The following ABCA1 variants were observed in gnomAD, a reference collection of about 807,000 sequenced individuals.
The protein encoded by ABCA1 is phospholipid-transporting ATPase ABCA1.
In ABCA1, 133 loss-of-function variants were observed where a neutral mutation model predicts 262.5. The ratio of observed to expected loss-of-function variants is 0.51; its 90% confidence interval spans 0.44 to 0.59. ABCA1 has a LOEUF of 0.59. Ranked by LOEUF, ABCA1 falls within the 20% of genes least tolerant of loss-of-function variation. The probability of loss-of-function intolerance (pLI) is 0.00; values close to 1 mark genes in which losing one functional copy is unlikely to be tolerated. For synonymous variants in ABCA1, 1,022 were observed against 1,043.5 expected, an observed-to-expected ratio of 0.98 and a Z score of 0.40; for missense variants, 2,452 against 2,777.5, an observed-to-expected ratio of 0.88 and a Z score of 2.63.
intron 11 of ABCA1, among the ~76,000 whole-genome samples, chr9:104,836,203 T>A (rs948020985): frequency 1.3e-5 from 2 of 152,186 alleles, no homozygotes; most frequent in African/African-American, 4.8e-5. Context: ...TTCGGAAGTG[T>A]TCCCCCTAGG....
rs922470761 is a variant in ABCA1, at chr9:104,817,503, G to A, written c.3463-99C>T. ...GGGCTTCCAAGAAGCTCTGTTGTGT[G>A]AGAACTAAAGGAAAAAGCTTTCCCT... On this transcript the variant is annotated intron_variant, in intron 23 of 49. Transcript: ENST00000374736. The surrounding 1 kb of genome is among the most constrained non-coding windows in gnomAD (Gnocchi z 4.7). 12 of 1,305,872 alleles carry A rather than the reference G, an allele frequency of 9.2e-6. No individual in the cohort carries two copies. The highest frequency in any genetic ancestry group is 5.6e-5 in the Admixed American group (3 of 53,762). 80.9% of individuals were successfully genotyped at this position (1,305,872 alleles called of 1,614,324 possible). A position where few individuals can be genotyped will look rare whatever the true frequency, so the allele number is the denominator to read the frequency against.
rs1378046534 is a variant in ABCA1, at chr9:104,806,320, G to A, written c.4385C>T (p.Ala1462Val). Residue 1462 changes from alanine (A) to valine (V), a missense_variant, in exon 31 of 50, where the codon GCA becomes GTA. Ala to Val is a moderately conservative substitution (Grantham distance 64). This residue lies in a region of ABCA1 where 665 missense variants were observed against 727.3 expected (regional missense o/e 0.91). Transcript: ENST00000374736. The stretch of plus-strand genomic sequence containing the variant: ...GATTTTGTCGCTGCTACACTGGCAT[G>A]CAGGTGAAGGGTTCTGCATTGTCCA... Reference protein sequence around the residue: ...GNWTMQNPSPACQCSSDKIKK... With the variant: ...GNWTMQNPSPVCQCSSDKIKK... 3.7e-6 allele frequency: 6 copies of A among 1,614,168 alleles called. No individual in the cohort carries two copies. The East Asian group carries it at 8.9e-5, about 24-fold the overall frequency.
At chr9:104,822,427 T>A (rs1832445796) in intron 19 of ABCA1, 69 bp downstream of exon 19, 4 of 1,593,312 alleles carry the variant, frequency 2.5e-6, no homozygotes, top group Non-Finnish European at 3.4e-6. Flanking sequence ...TTTCCTAAGG[T>A]ATAAATTTCT....
chr9:104,819,001 C>T, intron 22 of ABCA1, 118 bp from the exon 23 acceptor site: 1 of 944,006 alleles, frequency 1.1e-6, no homozygotes, highest in South Asian at 1.4e-5. Context: ...ACCTGGAAGC[C>T]ACCTTTCACC....
intron 29 of ABCA1, among the ~76,000 whole-genome samples, chr9:104,810,257 T>G (rs1831164810): frequency 6.6e-6 from 1 of 151,256 alleles, no homozygotes; most frequent in African/African-American, 2.4e-5. Context: ...TGAAGAAAGC[T>G]CCTGCTAACA....
chr9:104,816,255 G>A lies in ABCA1; in HGVS notation c.3626C>T (p.Pro1209Leu), dbSNP rs1831747849. ...GGCTCCCTCCTTAGCAGCTTCATAT[G>A]GCAGCACATAGGTCAGCTCATGCCC... ...DIGHELTYVLPYEAAKEGAFV... is the reference protein window; with the variant it reads ...DIGHELTYVLLYEAAKEGAFV... The change falls in exon 25 of 50, where the codon CCA (proline) becomes CTA (leucine). Residue 1209 changes from proline to leucine, a missense_variant. Transcript: ENST00000374736. The A allele has an allele frequency of 6.2e-7, 1 of 1,614,124 alleles. No homozygotes were observed. The highest frequency in any genetic ancestry group is 2.2e-5 in the East Asian group (1 of 44,866).
At chr9:104,785,667 G>T in intron 48 of ABCA1, 28 bp from the exon 49 acceptor site, 1 of 1,613,100 alleles carries the variant, frequency 6.2e-7, no homozygotes, top group Non-Finnish European at 8.5e-7. Flanking sequence ...TACCCAAATG[G>T]AGGATCTCCA....
chr9:104,794,052 C>T lies in ABCA1; in HGVS notation c.5506+335G>A, dbSNP rs187018389. Among the ~76,000 whole-genome samples, 724 of 152,302 alleles carry T rather than the reference C, an allele frequency of 4.8e-3. 6 individuals are homozygous for T. Among genetic ancestry groups the T allele is most frequent in the Non-Finnish European group, 6.6e-3 (448 of 68,038 alleles). ...TCTTTCCTTCTGATTCCCTGATCAC[C>T]TAATTCTCAAAGTTATGGTTTGACT... is the stretch of plus-strand genomic sequence containing the variant. On this transcript the variant is annotated intron_variant, in intron 40 of 49. Coordinates refer to ENST00000374736, the MANE Select transcript of ABCA1 (RefSeq NM_005502.4).
At chr9:104,874,521 G>A (rs976751648) in intron 5 of ABCA1, among the ~76,000 whole-genome samples, 5 of 152,072 alleles carry the variant, frequency 3.3e-5, no homozygotes, top group African/African-American at 9.7e-5. Context: ...AACCAAGATC[G>A]TGCCGCTCCA....
intron 3 of ABCA1, 54 bp from the exon 4 acceptor site, chr9:104,884,622 C>T (rs1332550644): frequency 2.5e-6 from 4 of 1,603,146 alleles, no homozygotes; most frequent in South Asian, 1.1e-5. Flanking sequence ...TTCCCTGAAG[C>T]GATTTTGAGG....
chr9:104,865,045 C>T (rs924825801), intron 5 of ABCA1, among the ~76,000 whole-genome samples: 2 of 152,204 alleles, frequency 1.3e-5, no homozygotes, highest in Non-Finnish European at 2.9e-5. Context: ...TCCTCCACTA[C>T]AAAGAACTTG....
chr9:104,821,026 C>T (rs965931780), intron 20 of ABCA1, among the ~76,000 whole-genome samples: 6 of 152,282 alleles, frequency 3.9e-5, no homozygotes, highest in South Asian at 2.1e-4. Context: ...GGGCGGATCA[C>T]GAGGTCAAGA....
intron 7 of ABCA1, among the ~76,000 whole-genome samples, chr9:104,849,992 A>G (rs983056602): frequency 6.6e-6 from 1 of 152,228 alleles, no homozygotes; most frequent in African/African-American, 2.4e-5. Context: ...CTGCAAGACA[A>G]GAGTTATCTC....
At chr9:104,834,577 A>T (rs1162236452) in intron 11 of ABCA1, among the ~76,000 whole-genome samples, 2 of 149,142 alleles carry the variant, frequency 1.3e-5, no homozygotes, top group African/African-American at 4.9e-5. Context: ...AACATGGCCA[A>T]AAAGAATAGC....
chr9:104,837,924 A>G (rs1234836073), intron 9 of ABCA1, among the ~76,000 whole-genome samples: 3 of 152,212 alleles, frequency 2.0e-5, no homozygotes, highest in Non-Finnish European at 4.4e-5. Context: ...TCACACTCTC[A>G]TGCCAGCCTC....
chr9:104,919,395 A>G (rs939184312), intron 1 of ABCA1, among the ~76,000 whole-genome samples: 2 of 152,158 alleles, frequency 1.3e-5, no homozygotes, highest in Non-Finnish European at 2.9e-5. Context: ...GCAGATCACA[A>G]GGTCAGGAGT....
At chr9:104,794,562 C>T (rs373853594) in intron 39 of ABCA1, 52 bp from the exon 40 acceptor site, 154 of 1,574,798 alleles carry the variant, frequency 9.8e-5, no homozygotes, top group African/African-American at 1.2e-4. Context: ...GGAGAAGAAA[C>T]GGGTGTCATT....
chr9:104,816,238 C>T lies in ABCA1; in HGVS notation c.3643G>A (p.Glu1215Lys), dbSNP rs1374522821. Residue 1215 changes from glutamate to lysine, a missense_variant, in exon 25 of 50, where the codon GAG becomes AAG. Around this residue, in one of 4 missense-constraint regions of ABCA1, gnomAD observed 665 missense variants for 727.3 expected, o/e 0.91. Transcript: ENST00000374736. ...TGAAAGAGTTCCACAAAGGCTCCCTCCTTAGCAGCTTCATATGGCAGCACA... is the reference window on the plus strand; with the variant it reads ...TGAAAGAGTTCCACAAAGGCTCCCTTCTTAGCAGCTTCATATGGCAGCACA... Reference protein sequence around the residue: ...TYVLPYEAAKEGAFVELFHEI... With the variant: ...TYVLPYEAAKKGAFVELFHEI... The T allele has an allele frequency of 6.2e-7, 1 of 1,614,192 alleles. No individual in the cohort carries two copies.
In ABCA1 at chr9:104,861,790, A is replaced by T. The variant is rs1204717426; in HGVS notation, c.432T>A (p.Leu144=). 1 of 1,613,558 alleles carries T rather than the reference A, an allele frequency of 6.2e-7. No individual in the cohort carries two copies. The highest frequency in any genetic ancestry group is 1.1e-5 in the South Asian group (1 of 91,046). ...QIKKSSSNLK[L]QDFLVDNETF... ...TTTCATTGTCCACCAGGAAATCTTGAAGCTTCAAGTCTATTGAGAAATAGT... is the reference window on the plus strand; with the variant it reads ...TTTCATTGTCCACCAGGAAATCTTGTAGCTTCAAGTCTATTGAGAAATAGT... Residue 144 remains leucine, a synonymous_variant, in exon 6 of 50, where the codon CTT becomes CTA. Transcript: ENST00000374736.
Sources: allele counts gnomAD v4.1 joint callset (sites outside exome capture counted in the v4.1 genomes callset), GRCh38; gene constraint gnomAD v4.1.1; regional missense constraint gnomAD v4.1.1; non-coding constraint Gnocchi (gnomAD v3.1); transcripts MANE v1.5; gene names NCBI Gene and HGNC (gene_info 2026-07-23, HGNC 2026-07-21).